PRKN: variants seen among roughly 807,000 people sequenced by gnomAD.
PRKN encodes the protein parkin RBR E3 ubiquitin protein ligase, also known as E3 ubiquitin-protein ligase parkin.
PRKN carries 56 observed loss-of-function variants against 59.5 expected under a neutral mutation model. The observed-to-expected ratio is 0.94, with a 90% confidence interval of 0.76 to 1.18. PRKN has a LOEUF of 1.18. PRKN is among the 50% of genes most tolerant of loss of function. The probability of loss-of-function intolerance (pLI) is 0.00; values close to 1 mark genes in which losing one functional copy is unlikely to be tolerated. For synonymous variants in PRKN, 250 were observed against 222.1 expected, an observed-to-expected ratio of 1.13 and a Z score of -1.12; for missense variants, 657 against 596.4, an observed-to-expected ratio of 1.10 and a Z score of -1.06.
intron 4 of PRKN, among the ~76,000 whole-genome samples, chr6:162,081,774 C>T (rs1186914920): frequency 6.6e-6 from 1 of 152,084 alleles, no homozygotes; most frequent in African/African-American, 2.4e-5. Flanking sequence ...TTCTCTCTAG[C>T]TAAGAAAGTC....
chr6:161,726,180 G>A (rs555703203), intron 7 of PRKN, among the ~76,000 whole-genome samples: 1 of 152,336 alleles, frequency 6.6e-6, no homozygotes, highest in South Asian at 2.1e-4. Flanking sequence ...TTCACTTTCT[G>A]TAGTAGAAAT....
In PRKN at chr6:161,547,798, C is replaced by T. The variant is rs1779848408; in HGVS notation, c.1083+1056G>A. Among the ~76,000 whole-genome samples, 1 of 152,148 alleles carries T rather than the reference C, an allele frequency of 6.6e-6. No homozygotes were observed. The highest frequency in any genetic ancestry group is 2.4e-5 in the African/African-American group (1 of 41,434). On this transcript the variant is annotated intron_variant, in intron 9 of 11. Coordinates refer to ENST00000366898, the MANE Select transcript of PRKN (RefSeq NM_004562.3). This position sits in a 1 kb window ranked among gnomAD's most constrained non-coding sequence, Gnocchi z 4.0. ...GAGAGTAAACACTTGAGTTTTCATT[C>T]TAATGCAATCACGATTATGAATCCA...
Position 161,566,123 on chromosome 6 carries a change from T to C in PRKN, c.933+3232A>G, listed in dbSNP as rs1218024145. 2.0e-5 allele frequency among the ~76,000 whole-genome samples: 3 copies of C among 152,228 alleles called. No homozygotes were observed. The highest frequency in any genetic ancestry group is 2.9e-5 in the Non-Finnish European group (2 of 68,048). On this transcript the variant is annotated intron_variant, in intron 8 of 11. Transcript: ENST00000366898. The surrounding 1 kb of genome is among the most constrained non-coding windows in gnomAD (Gnocchi z 4.1). ...CCCTCAGCTACCTCATTTCTTTGCT[T>C]TCCTCTTCAGCTAAGTTCCCAGTTG... is the stretch of plus-strand genomic sequence containing the variant.
At chr6:161,364,122 T>C (rs1785091375) in intron 10 of PRKN, among the ~76,000 whole-genome samples, 2 of 131,816 alleles carry the variant, frequency 1.5e-5, no homozygotes, top group Admixed American at 1.8e-4. Flanking sequence ...TGAGCCGAGA[T>C]CACGCCACTG....
At chr6:162,409,667 T>C (rs942231375) in intron 2 of PRKN, among the ~76,000 whole-genome samples, 1 of 152,250 alleles carries the variant, frequency 6.6e-6, no homozygotes, top group Non-Finnish European at 1.5e-5. Flanking sequence ...GTATTACTAG[T>C]TATAAATTTA....
At chr6:162,309,552 C>A (rs1057246135) in intron 2 of PRKN, among the ~76,000 whole-genome samples, 1 of 152,168 alleles carries the variant, frequency 6.6e-6, no homozygotes, top group Non-Finnish European at 1.5e-5. Flanking sequence ...TTTATCTCAG[C>A]TGTCTTGCCG....
chr6:162,313,528 C>T (rs978807804), intron 2 of PRKN, among the ~76,000 whole-genome samples: 4 of 151,740 alleles, frequency 2.6e-5, no homozygotes, highest in African/African-American at 4.8e-5. Flanking sequence ...GCTCTTGTTC[C>T]CCAGGCTGGA....
At chr6:162,668,351 C>T (rs1056182508) in intron 1 of PRKN, among the ~76,000 whole-genome samples, 2 of 152,138 alleles carry the variant, frequency 1.3e-5, no homozygotes, top group Non-Finnish European at 1.5e-5. Flanking sequence ...TCTACTTTAC[C>T]TTGTCATTGT....
chr6:162,077,031 T>C (rs1778857695), intron 4 of PRKN, among the ~76,000 whole-genome samples: 1 of 152,044 alleles, frequency 6.6e-6, no homozygotes. Context: ...GTCACTTCAG[T>C]CAGAGGGAAG....
chr6:161,511,699 T>C (rs1024796023), intron 9 of PRKN, among the ~76,000 whole-genome samples: 2 of 151,832 alleles, frequency 1.3e-5, no homozygotes, highest in African/African-American at 2.4e-5. Context: ...GACCAGACAA[T>C]CCTTTAAAGG....
At chr6:162,141,656 C>G (rs914496325) in intron 4 of PRKN, among the ~76,000 whole-genome samples, 1 of 152,106 alleles carries the variant, frequency 6.6e-6, no homozygotes, top group Admixed American at 6.6e-5. Context: ...AATAGAGAAA[C>G]TTAAAAAGCA....
At position 161,410,558 on chromosome 6, in the gene PRKN, T is replaced by C. The variant is rs959659174; in HGVS notation, c.1084-23681A>G. 2.6e-5 allele frequency among the ~76,000 whole-genome samples: 4 copies of C among 152,174 alleles called. No homozygotes were observed. The highest frequency in any genetic ancestry group is 2.0e-4 in the Admixed American group (3 of 15,274). ...GCAGATACTCTAAGGAGCCCGGGTC[T>C]GAGCTGGACACACACAGCAGCGAGA... On this transcript the variant is annotated intron_variant, in intron 9 of 11. Coordinates refer to ENST00000366898, the MANE Select transcript of PRKN (RefSeq NM_004562.3). The surrounding 1 kb of genome is among the most constrained non-coding windows in gnomAD (Gnocchi z 5.3).
At chr6:161,804,897 A>AT (rs1290881089) in intron 6 of PRKN, among the ~76,000 whole-genome samples, 2 of 152,360 alleles carry the variant, frequency 1.3e-5, no homozygotes, top group Non-Finnish European at 2.9e-5. Context: ...ACATATGTAA[A>AT]TAGGTCTTCT....
chr6:161,751,465 T>C (rs527913962), intron 7 of PRKN, among the ~76,000 whole-genome samples: 5 of 152,364 alleles, frequency 3.3e-5, no homozygotes, highest in African/African-American at 9.6e-5. Context: ...ACATTACACA[T>C]TTATGATTAC....
At chr6:161,989,317 T>TA (rs1345984092) in intron 5 of PRKN, among the ~76,000 whole-genome samples, 1 of 152,212 alleles carries the variant, frequency 6.6e-6, no homozygotes, top group African/African-American at 2.4e-5. Flanking sequence ...CCTTACCCGT[T>TA]ACAGCTGGTG....
At chr6:161,832,308 T>C (rs62436130) in intron 6 of PRKN, among the ~76,000 whole-genome samples, 50,860 of 151,892 alleles carry the variant, frequency 0.33, 8,721 homozygotes, top group South Asian at 0.4. Flanking sequence ...ATGAGAATAA[T>C]AGCGTTGTTT....
At chr6:162,387,551 CACACAGAGAGAG>C (rs1460659729) in intron 2 of PRKN, among the ~76,000 whole-genome samples, 1,386 of 76,342 alleles carry the variant, frequency 0.018, 14 homozygotes, top group African/African-American at 0.068. Flanking sequence ...CACACACACA[CACACAGAGAGAG>C]AGAGAGAGAG....
intron 2 of PRKN, among the ~76,000 whole-genome samples, chr6:162,268,192 T>A (rs977803619): frequency 1.3e-5 from 2 of 152,226 alleles, no homozygotes; most frequent in Non-Finnish European, 2.9e-5. Flanking sequence ...CCATCTGCTA[T>A]GTCTCAATGT....
intron 9 of PRKN, among the ~76,000 whole-genome samples, chr6:161,394,654 C>G (rs1378896473): frequency 6.6e-6 from 1 of 152,148 alleles, no homozygotes; most frequent in Non-Finnish European, 1.5e-5. Flanking sequence ...ACTATGAGTA[C>G]CGTCTAGTAG....
Sources: gnomAD v4.1 joint callset for allele counts (sites outside exome capture counted in the v4.1 genomes callset) on GRCh38, gnomAD v4.1.1 for gene constraint, Gnocchi (gnomAD v3.1) non-coding constraint, MANE v1.5 for transcripts, NCBI Gene and HGNC (gene_info 2026-07-23, HGNC 2026-07-21) for gene names.